The following MYO1E variants were observed in gnomAD, a reference collection of about 807,000 sequenced individuals.
The protein encoded by MYO1E is myosin IE, also known as unconventional myosin-Ie.
A neutral mutation model predicts 151.1 loss-of-function variants in MYO1E; 68 were observed. The ratio of observed to expected loss-of-function variants is 0.45; its 90% CI spans 0.37 to 0.55. MYO1E has a LOEUF of 0.55. Among genes scored for constraint, MYO1E ranks in the 20% least tolerant of loss-of-function variants. The pLI, the probability that MYO1E is intolerant of heterozygous loss-of-function variation, is 0.00. For synonymous variants in MYO1E, 601 were observed against 501.7 expected (o/e 1.20, Z -2.64); for missense variants, 1,363 against 1,389.3 (o/e 0.98, Z 0.30).
At chr15:59,262,204 T>G (rs2080228053) in intron 2 of MYO1E, among the ~76,000 whole-genome samples, 2 of 142,642 alleles carry the variant, frequency 1.4e-5, no homozygotes, top group South Asian at 5.0e-4. Flanking sequence ...GAGACTCTTG[T>G]CTCCAAAAAA....
intron 4 of MYO1E, among the ~76,000 whole-genome samples, chr15:59,249,632 A>G (rs1449888753): frequency 6.6e-6 from 1 of 152,122 alleles, no homozygotes; most frequent in Non-Finnish European, 1.5e-5. Flanking sequence ...GTGGAAGTCT[A>G]AAACACCACC....
chr15:59,160,340 TG>T (rs1566967183), intron 24 of MYO1E, among the ~76,000 whole-genome samples: 2 of 112,566 alleles, frequency 1.8e-5, no homozygotes, highest in African/African-American at 1.0e-4. Context: ...GTAGTGCGTG[TG>T]TGTGTGTGTG....
chr15:59,198,082 G>A (rs1166900209), intron 16 of MYO1E, among the ~76,000 whole-genome samples: 2 of 152,074 alleles, frequency 1.3e-5, no homozygotes, highest in Admixed American at 6.6e-5. Context: ...TCCCAGGCTC[G>A]TCTCCAATCC....
At chr15:59,198,527 A>T (rs12912558) in intron 16 of MYO1E, among the ~76,000 whole-genome samples, 41,993 of 152,040 alleles carry the variant, frequency 0.28, 6,363 homozygotes, top group East Asian at 0.59. Flanking sequence ...TAAAAAACAA[A>T]CAATCAGGCT....
Position 59,228,994 on chromosome 15 carries a change from A to G in MYO1E, c.511-1404T>C, listed in dbSNP as rs192301074. 1.8e-3 allele frequency among the ~76,000 whole-genome samples: 275 copies of G among 152,324 alleles called. 1 individual carries two copies. The highest frequency in any genetic ancestry group is 6.3e-3 in the African/African-American group (261 of 41,578). ...CCAGCAGCACCAGGCACAGAGAACC[A>G]CCAGCCATCGCTCTGCGGAATGTCA... On this transcript the variant is annotated intron_variant, in intron 6 of 27. Coordinates refer to ENST00000288235, the MANE Select transcript of MYO1E (RefSeq NM_004998.4).
intron 22 of MYO1E, among the ~76,000 whole-genome samples, chr15:59,165,628 G>A (rs2079559334): frequency 1.3e-5 from 2 of 152,334 alleles, no homozygotes; most frequent in South Asian, 4.1e-4. Flanking sequence ...CAGTTCCATA[G>A]TGCCTGGGAA....
At chr15:59,363,161 T>C (rs2080895070) in intron 1 of MYO1E, among the ~76,000 whole-genome samples, 1 of 152,124 alleles carries the variant, frequency 6.6e-6, no homozygotes, top group Admixed American at 6.5e-5. Flanking sequence ...GCATTGTTAG[T>C]AGAGACGGGG....
intron 15 of MYO1E, among the ~76,000 whole-genome samples, chr15:59,202,644 A>T (rs182388103): frequency 6.6e-6 from 1 of 152,344 alleles, no homozygotes; most frequent in East Asian, 1.9e-4. Context: ...AAGACTGCAA[A>T]ATAAATTTTA....
intron 1 of MYO1E, among the ~76,000 whole-genome samples, chr15:59,291,921 C>T (rs1338971363): frequency 1.3e-5 from 2 of 151,928 alleles, no homozygotes; most frequent in African/African-American, 2.4e-5. Context: ...ACCATAAATG[C>T]TCTAAAGGAA....
intron 18 of MYO1E, among the ~76,000 whole-genome samples, chr15:59,187,449 A>G (rs2079705266): frequency 6.6e-6 from 1 of 152,248 alleles, no homozygotes; most frequent in Admixed American, 6.5e-5. Context: ...AAGGATTTAG[A>G]TAAATTGGAA....
Position 59,145,179 on chromosome 15 carries a change from T to G in MYO1E, c.3081-6812A>C, listed in dbSNP as rs1195255811. Among the ~76,000 whole-genome samples the G allele has an allele frequency of 3.9e-5, 6 of 152,036 alleles. No homozygotes were observed. The East Asian group carries it at 1.2e-3, about 29-fold the overall frequency. On this transcript the variant is annotated intron_variant, in intron 26 of 27. Transcript: ENST00000288235. ...TCAAAGAAACTGCCAGAAATTTGAT[T>G]AATGAGGTCTTCTAGGCAGGTGGAG...
intron 4 of MYO1E, among the ~76,000 whole-genome samples, chr15:59,254,380 G>A (rs1405491277): frequency 6.6e-6 from 1 of 152,140 alleles, no homozygotes; most frequent in Admixed American, 6.5e-5. Context: ...TATGGAGACA[G>A]GGTTTGCTAT....
At chr15:59,151,070 CTTAG>C (rs1566964919) in intron 26 of MYO1E, among the ~76,000 whole-genome samples, 11 of 150,288 alleles carry the variant, frequency 7.3e-5, no homozygotes, top group African/African-American at 2.7e-4. Flanking sequence ...CGCACGTGCA[CTTAG>C]AGAGAGGTCT....
At chr15:59,295,734 G>C (rs536711827) in intron 1 of MYO1E, among the ~76,000 whole-genome samples, 2 of 152,066 alleles carry the variant, frequency 1.3e-5, no homozygotes, top group African/African-American at 2.4e-5. Flanking sequence ...GTGTTACAGC[G>C]TGGAAAGGCT....
chr15:59,302,903 GAGA>G (rs1336260920), intron 1 of MYO1E, among the ~76,000 whole-genome samples: 8 of 152,208 alleles, frequency 5.3e-5, no homozygotes, highest in African/African-American at 1.9e-4. Context: ...CTGCCCAGGG[GAGA>G]AGGACATTTT....
intron 8 of MYO1E, among the ~76,000 whole-genome samples, chr15:59,223,766 C>G (rs1434633627): frequency 6.6e-6 from 1 of 152,194 alleles, no homozygotes; most frequent in Non-Finnish European, 1.5e-5. Context: ...TTTCTGAGGT[C>G]CCTTAAATGC....
chr15:59,196,810 T>C (rs1423908293), intron 16 of MYO1E, among the ~76,000 whole-genome samples: 4 of 152,136 alleles, frequency 2.6e-5, no homozygotes, highest in Admixed American at 2.6e-4. Context: ...TCTTATGTTC[T>C]TTGATGATGC....
rs1378617589 is a variant in MYO1E at position 59,243,060 on chromosome 15, C to G, written c.333-6388G>C. Among the ~76,000 whole-genome samples, 3 of 146,542 alleles carry G rather than the reference C, an allele frequency of 2.0e-5. No individual in the cohort carries two copies. In the East Asian group the frequency reaches 6.0e-4, roughly 29 times the overall value. On this transcript the variant is annotated intron_variant, in intron 4 of 27. Coordinates refer to ENST00000288235, the MANE Select transcript of MYO1E (RefSeq NM_004998.4). ...CAATGTGTCAGGGAGATAAACAAGA[C>G]AGTGGAAATTCCCACTGGACTTATT...
chr15:59,137,381 C>T lies in MYO1E; in HGVS notation c.3326G>A (p.Ter1109=), dbSNP rs139401926. The T allele has an allele frequency of 1.2e-5, 19 of 1,614,018 alleles. No homozygotes were observed. The highest frequency in any genetic ancestry group is 1.6e-5 in the Non-Finnish European group (19 of 1,179,986). ...LFPNNYVTKI[*] Reference sequence around the variant, plus strand: ...CCATGTGTCAGAGTCACGGGCACCTCAGATCTTGGTCACATAGTTGTTGGG... The same window carrying T: ...CCATGTGTCAGAGTCACGGGCACCTTAGATCTTGGTCACATAGTTGTTGGG... Residue 1109 remains the stop codon, a stop_retained_variant, in exon 28 of 28, where the codon TGA becomes TAA. Coordinates refer to ENST00000288235, the MANE Select transcript of MYO1E (RefSeq NM_004998.4).
Sources: allele counts gnomAD v4.1 joint callset (sites outside exome capture counted in the v4.1 genomes callset), GRCh38; gene constraint gnomAD v4.1.1; transcripts MANE v1.5; gene names NCBI Gene and HGNC (gene_info 2026-07-23, HGNC 2026-07-21).